Variants in PCDHGA5 observed in about 807,000 individuals in gnomAD.
PCDHGA5 encodes protocadherin gamma-A5.
A neutral mutation model predicts 56.7 loss-of-function variants in PCDHGA5; 36 were observed. The observed-to-expected ratio is 0.64, with a 90% CI of 0.49 to 0.84. The LOEUF (loss-of-function observed/expected upper bound fraction) is 0.84, where lower values mean the gene tolerates loss of function less well. Among genes scored for constraint, PCDHGA5 ranks in the 40% least tolerant of loss-of-function variants. The probability of loss-of-function intolerance (pLI) is 0.00; values close to 1 mark genes in which losing one functional copy is unlikely to be tolerated. For missense variants in PCDHGA5, 1,305 were observed against 1,201.5 expected (o/e 1.09, Z -1.27); for synonymous variants, 563 against 520.2 (o/e 1.08, Z -1.12).
At chr5:141,406,382 G>C (rs189693155) in intron 1 of PCDHGA5, among the ~76,000 whole-genome samples, 1 of 152,114 alleles carries the variant, frequency 6.6e-6, no homozygotes, top group Non-Finnish European at 1.5e-5. Context: ...TGATAAAAAG[G>C]TAAATGTATT....
At position 141,371,773 on chromosome 5, in the gene PCDHGA5, A is replaced by C. The variant is rs148367405; in HGVS notation, c.2421+5022A>C. The C allele has an allele frequency of 2.9e-5, 46 of 1,614,020 alleles. No individual in the cohort carries two copies. In the Middle Eastern group the frequency reaches 6.6e-4, roughly 23 times the overall value. On this transcript the variant is annotated intron_variant, in intron 1 of 3. Coordinates refer to ENST00000518069, the MANE Select transcript of PCDHGA5 (RefSeq NM_018918.3). ...TTCCACCAGGCCTCCTACACCGTGC[A>C]TGTAGCTGAGAACAATCCGCCTGGA...
At chr5:141,414,947 T>C (rs1422289231) in intron 1 of PCDHGA5, 1 of 1,614,052 alleles carries the variant, frequency 6.2e-7, no homozygotes, top group Non-Finnish European at 8.5e-7. Context: ...CCCGGCTACC[T>C]GGTGACCAAG....
intron 1 of PCDHGA5, chr5:141,395,501 A>T: frequency 2.1e-6 from 1 of 467,130 alleles, no homozygotes; most frequent in African/African-American, 2.0e-5. Context: ...TCATTCACTT[A>T]AGAAGTAGCT....
chr5:141,390,064 C>T, intron 1 of PCDHGA5: 1 of 1,614,060 alleles, frequency 6.2e-7, no homozygotes. Flanking sequence ...TGCTTCCAGC[C>T]TGGTCTCTGT....
intron 1 of PCDHGA5, chr5:141,471,361 C>T (rs1206745378): frequency 6.6e-6 from 1 of 151,976 alleles, no homozygotes; most frequent in Non-Finnish European, 1.5e-5. Context: ...TCCAAGCCCC[C>T]TATTTTTATT....
At chr5:141,378,584 A>T (rs1775030344) in intron 1 of PCDHGA5, 1 of 152,240 alleles carries the variant, frequency 6.6e-6, no homozygotes, top group Admixed American at 6.5e-5. Flanking sequence ...CATGCTCGGT[A>T]GTGTCTGCTT....
In PCDHGA5 at chr5:141,511,829, G is replaced by A. The variant is rs1181369164; in HGVS notation, c.*656G>A. 1 of 156,774 alleles carries A rather than the reference G, an allele frequency of 6.4e-6. No individual in the cohort carries two copies. Among genetic ancestry groups the A allele is most frequent in the Non-Finnish European group, 1.4e-5 (1 of 70,652 alleles). The allele number at this position is 156,774 out of a possible 1,614,324, so 9.7% of individuals were successfully genotyped here. Reference sequence around the variant, plus strand: ...TACCAAGCCTCTTCCCAACGCCCTGGGGACCAGTCTTCTGTTTTGTTTTTC... The same window carrying A: ...TACCAAGCCTCTTCCCAACGCCCTGAGGACCAGTCTTCTGTTTTGTTTTTC... On this transcript the variant is annotated 3_prime_UTR_variant, in exon 4 of 4. Transcript: ENST00000518069.
chr5:141,394,514 C>T, intron 1 of PCDHGA5: 1 of 1,614,230 alleles, frequency 6.2e-7, no homozygotes. Flanking sequence ...ACCCCGCCCT[C>T]CCCACAGACG....
intron 1 of PCDHGA5, chr5:141,404,304 C>T (rs1182256144): frequency 1.2e-6 from 2 of 1,613,858 alleles, no homozygotes; most frequent in African/African-American, 2.7e-5. Flanking sequence ...AATCCACCTG[C>T]TTTCTCTCAA....
rs887814386 is a variant in PCDHGA5, at chr5:141,431,347, G to A, written c.2422-63460G>A. The A allele has an allele frequency of 1.9e-6, 3 of 1,614,098 alleles. No individual in the cohort carries two copies. The highest frequency in any genetic ancestry group is 2.5e-6 in the Non-Finnish European group (3 of 1,180,036). On this transcript the variant is annotated intron_variant, in intron 1 of 3. Coordinates refer to ENST00000518069, the MANE Select transcript of PCDHGA5 (RefSeq NM_018918.3). This position sits in a 1 kb window ranked among gnomAD's most constrained non-coding sequence, Gnocchi z 4.8. ...GTAGTAAGTACCCCGAATTGGTGCT[G>A]AAACGCGCCCTGGACCGCGAAGAAA...
intron 1 of PCDHGA5, chr5:141,384,711 G>T (rs765373675): frequency 2.5e-6 from 4 of 1,614,160 alleles, no homozygotes; most frequent in Non-Finnish European, 3.4e-6. Flanking sequence ...ACGCCTGGCT[G>T]TCATACCTCC....
chr5:141,466,975 A>G (rs769024064), intron 1 of PCDHGA5, among the ~76,000 whole-genome samples: 1 of 151,842 alleles, frequency 6.6e-6, no homozygotes, highest in Non-Finnish European at 1.5e-5. Flanking sequence ...CTCACAGCTC[A>G]TCATTTACCT....
At chr5:141,414,400 G>C (rs768269499) in intron 1 of PCDHGA5, 1 of 1,613,878 alleles carries the variant, frequency 6.2e-7, no homozygotes, top group Admixed American at 1.7e-5. Context: ...TTACAGATTG[G>C]TGATACACAG....
At position 141,414,753 on chromosome 5, in the gene PCDHGA5, T is replaced by C. The variant is rs10041534; in HGVS notation, c.2421+48002T>C. 7.9e-4 allele frequency: 1,273 copies of C among 1,614,202 alleles called. 15 individuals carry two copies. The African/African-American group carries it at 0.015, about 19-fold the overall frequency. ...TGTATGCACTCAGATCCTTCGACTA[T>C]GAGCAGTTTCATGAGCTACAGATGC... On this transcript the variant is annotated intron_variant, in intron 1 of 3. Transcript: ENST00000518069.
At chr5:141,423,357 C>A in intron 1 of PCDHGA5, 1 of 1,614,214 alleles carries the variant, frequency 6.2e-7, no homozygotes, top group Non-Finnish European at 8.5e-7. Flanking sequence ...TCTTTGTCAT[C>A]GTGCTGCTGG....
chr5:141,404,875 C>T, intron 1 of PCDHGA5: 1 of 1,613,904 alleles, frequency 6.2e-7, no homozygotes, highest in Non-Finnish European at 8.5e-7. Flanking sequence ...TCAAACAGAG[C>T]CTTGTGGTGG....
At chr5:141,422,705 C>A in intron 1 of PCDHGA5, 1 of 1,602,702 alleles carries the variant, frequency 6.2e-7, no homozygotes, top group East Asian at 2.2e-5. Flanking sequence ...TACTCTCTGA[C>A]GGATGACACT....
intron 1 of PCDHGA5, chr5:141,430,668 C>T (rs538633559): frequency 1.6e-6 from 2 of 1,243,872 alleles, no homozygotes; most frequent in East Asian, 2.5e-5. Context: ...GGAGCTCTGA[C>T]TTCCCAACTG....
intron 1 of PCDHGA5, chr5:141,382,797 G>A: frequency 5.0e-6 from 5 of 999,472 alleles, no homozygotes; most frequent in Non-Finnish European, 5.9e-6. Context: ...TATCCTGCTG[G>A]ATTCTGAGCT....
Sources: gnomAD v4.1 joint callset for allele counts (sites outside exome capture counted in the v4.1 genomes callset) on GRCh38, gnomAD v4.1.1 for gene constraint, Gnocchi (gnomAD v3.1) non-coding constraint, MANE v1.5 for transcripts, NCBI Gene and HGNC (gene_info 2026-07-23, HGNC 2026-07-21) for gene names.